Variants in CCSER1 observed in about 807,000 individuals in gnomAD.
CCSER1 encodes the protein serine-rich coiled-coil domain-containing protein 1.
A neutral mutation model predicts 82.0 loss-of-function variants in CCSER1; 41 were observed. The ratio of observed to expected loss-of-function variants is 0.50; its 90% CI spans 0.39 to 0.65. The LOEUF is 0.65. Ranked by LOEUF, CCSER1 falls within the 30% of genes least tolerant of loss-of-function variation. CCSER1 has a pLI of 0.00. For synonymous variants in CCSER1, 414 were observed against 383.9 expected (o/e 1.08, Z -0.92); for missense variants, 1,119 against 1,064.2 (o/e 1.05, Z -0.72).
intron 5 of CCSER1, among the ~76,000 whole-genome samples, chr4:90,500,575 C>T (rs1259120418): frequency 6.6e-6 from 1 of 152,040 alleles, no homozygotes; most frequent in East Asian, 1.9e-4. Flanking sequence ...AAGTGATCTA[C>T]CCGCCAACTC....
intron 10 of CCSER1, among the ~76,000 whole-genome samples, chr4:91,152,435 A>G (rs1387648078): frequency 6.6e-6 from 1 of 151,900 alleles, no homozygotes; most frequent in Non-Finnish European, 1.5e-5. Context: ...TCCAATCTTT[A>G]TCTTTACCTT....
At chr4:90,561,557 T>C (rs976004774) in intron 5 of CCSER1, among the ~76,000 whole-genome samples, 7 of 152,228 alleles carry the variant, frequency 4.6e-5, no homozygotes, top group Admixed American at 2.0e-4. Flanking sequence ...TGAATCTACA[T>C]TTTAAGATCG....
At chr4:90,918,176 A>G (rs974807286) in intron 8 of CCSER1, 4 of 425,484 alleles carry the variant, frequency 9.4e-6, no homozygotes, top group African/African-American at 8.2e-5. Flanking sequence ...TAACTAACAT[A>G]CTAGTGTCTG....
intron 1 of CCSER1, among the ~76,000 whole-genome samples, chr4:90,195,233 G>A (rs951388663): frequency 6.6e-6 from 1 of 152,056 alleles, no homozygotes; most frequent in African/African-American, 2.4e-5. Context: ...GTTAAATTAA[G>A]TGTGACCCAT....
rs28621485 is a variant in CCSER1 at position 90,256,846 on chromosome 4, T to A, written c.-41-51398T>A. Among the ~76,000 whole-genome samples, 1,030 of 152,228 alleles carry A rather than the reference T, an allele frequency of 6.8e-3. 7 individuals are homozygous for A. The highest frequency in any genetic ancestry group is 0.024 in the African/African-American group (996 of 41,548). On this transcript the variant is annotated intron_variant, in intron 1 of 10. Coordinates refer to ENST00000509176, the MANE Select transcript of CCSER1 (RefSeq NM_001145065.2). ...TTGAATACAGTAAAATAAGACATTT[T>A]GAGAGAGAGAAAGAGGGAGCTCACA...
intron 10 of CCSER1, among the ~76,000 whole-genome samples, chr4:91,091,083 G>A (rs952055957): frequency 6.6e-6 from 1 of 152,104 alleles, no homozygotes; most frequent in Admixed American, 6.5e-5. Context: ...CAATCCTACA[G>A]ATGTACTTAT....
At chr4:90,731,863 G>A (rs1382334186) in intron 7 of CCSER1, among the ~76,000 whole-genome samples, 4 of 152,000 alleles carry the variant, frequency 2.6e-5, no homozygotes, top group East Asian at 1.9e-4. Context: ...TCTGTAGGTC[G>A]ACTAGACTCA....
intron 3 of CCSER1, 79 bp downstream of exon 3, chr4:90,313,126 C>A: frequency 2.6e-6 from 3 of 1,156,132 alleles, no homozygotes; most frequent in Non-Finnish European, 3.8e-6. Context: ...GCAAAATGAA[C>A]ACAGACTACA....
intron 5 of CCSER1, among the ~76,000 whole-genome samples, chr4:90,622,870 T>G (rs1477617010): frequency 1.3e-5 from 2 of 152,250 alleles, no homozygotes; most frequent in Non-Finnish European, 2.9e-5. Context: ...TGAACTAGTT[T>G]ACAGTCCCAC....
At chr4:91,585,242 G>C (rs114079727) in intron 10 of CCSER1, among the ~76,000 whole-genome samples, 168 of 151,474 alleles carry the variant, frequency 1.1e-3, no homozygotes, top group African/African-American at 3.9e-3. Context: ...TGATGCCCAG[G>C]ATGCCTTTCT....
intron 1 of CCSER1, among the ~76,000 whole-genome samples, chr4:90,142,682 T>C (rs1725019495): frequency 6.6e-6 from 1 of 152,064 alleles, no homozygotes; most frequent in Non-Finnish European, 1.5e-5. Flanking sequence ...GTGCTTATTG[T>C]GCGGTTTTTC....
chr4:91,230,334 G>C (rs1200302548), intron 10 of CCSER1, among the ~76,000 whole-genome samples: 2 of 152,060 alleles, frequency 1.3e-5, no homozygotes, highest in African/African-American at 4.8e-5. Flanking sequence ...AAGGGACGAG[G>C]AAAGTTGGAG....
intron 1 of CCSER1, among the ~76,000 whole-genome samples, chr4:90,277,441 T>C (rs768335383): frequency 1.4e-4 from 21 of 152,038 alleles, no homozygotes; most frequent in Non-Finnish European, 2.6e-4. Context: ...TTGTATAGTA[T>C]AGTAACCAAA....
intron 8 of CCSER1, among the ~76,000 whole-genome samples, chr4:90,849,388 G>A (rs556728690): frequency 2.2e-4 from 34 of 152,300 alleles, no homozygotes; most frequent in African/African-American, 7.9e-4. Flanking sequence ...TTTAACTTGA[G>A]AGAGATGACT....
intron 10 of CCSER1, among the ~76,000 whole-genome samples, chr4:91,333,356 G>T (rs1237403421): frequency 6.6e-6 from 1 of 151,976 alleles, no homozygotes; most frequent in Non-Finnish European, 1.5e-5. Context: ...TTATTCATTT[G>T]CAGTCAACTT....
At position 91,090,743 on chromosome 4, in the gene CCSER1, T is replaced by A. The variant is rs940445012; in HGVS notation, c.2217+4749T>A. ...GCTCGGCTAATTGCAAAAACAAATT[T>A]CTAGTTTTTCCTGGAATTTCAGGTA... is the stretch of plus-strand genomic sequence containing the variant. On this transcript the variant is annotated intron_variant, in intron 10 of 10. Coordinates refer to ENST00000509176, the MANE Select transcript of CCSER1 (RefSeq NM_001145065.2). 1.2e-4 allele frequency among the ~76,000 whole-genome samples: 19 copies of A among 152,298 alleles called. No homozygotes were observed. The South Asian group carries it at 3.9e-3, about 32-fold the overall frequency.
rs114726909 is a variant in CCSER1 at position 90,210,393 on chromosome 4, A to G, written c.-42+82562A>G. Among the ~76,000 whole-genome samples the G allele has an allele frequency of 2.5e-3, 374 of 151,020 alleles. 4 individuals carry two copies. The highest frequency in any genetic ancestry group is 8.2e-3 in the African/African-American group (337 of 41,182). On this transcript the variant is annotated intron_variant, in intron 1 of 10. Coordinates refer to ENST00000509176, the MANE Select transcript of CCSER1 (RefSeq NM_001145065.2). ...GTCTTCATTTGAATTGATGATAGCT[A>G]TTTGTTGTATGAGTTTCAGGTATTC...
At chr4:91,009,521 G>A (rs1738828569) in intron 9 of CCSER1, among the ~76,000 whole-genome samples, 1 of 152,126 alleles carries the variant, frequency 6.6e-6, no homozygotes, top group Admixed American at 6.5e-5. Flanking sequence ...AGCTAGTCCT[G>A]TCTCTCACTG....
At chr4:90,437,544 C>T (rs1759203703) in intron 4 of CCSER1, among the ~76,000 whole-genome samples, 1 of 152,026 alleles carries the variant, frequency 6.6e-6, no homozygotes, top group Admixed American at 6.6e-5. Flanking sequence ...GCTTTCTTTT[C>T]TGTATAATGA....
Sources: gnomAD v4.1 joint callset for allele counts (sites outside exome capture counted in the v4.1 genomes callset) on GRCh38, gnomAD v4.1.1 for gene constraint, MANE v1.5 for transcripts, NCBI Gene and HGNC (gene_info 2026-07-23, HGNC 2026-07-21) for gene names.